Variants in KIF6 observed in about 807,000 individuals in gnomAD.
KIF6 encodes the protein kinesin-like protein KIF6.
Under a neutral mutation model 112.7 loss-of-function variants are expected in KIF6, and 106 were observed. The ratio of observed to expected loss-of-function variants is 0.94; its 90% CI spans 0.80 to 1.11. KIF6 has a LOEUF of 1.11. Ranked by LOEUF, KIF6 falls within the 50% of genes least tolerant of loss-of-function variation. KIF6 has a pLI of 0.00. For missense variants in KIF6, 929 were observed against 964.0 expected (o/e 0.96, Z 0.48); for synonymous variants, 339 against 339.9 (o/e 1.00, Z 0.03).
At chr6:39,488,303 G>T (rs936531810) in intron 13 of KIF6, among the ~76,000 whole-genome samples, 1 of 152,120 alleles carries the variant, frequency 6.6e-6, no homozygotes, top group East Asian at 1.9e-4. Context: ...TGACACAAGG[G>T]TTAAGATCTC....
At chr6:39,577,051 T>G (rs905859465) in intron 10 of KIF6, among the ~76,000 whole-genome samples, 16 of 152,224 alleles carry the variant, frequency 1.1e-4, no homozygotes, top group Non-Finnish European at 2.1e-4. Context: ...AAAACTTTTT[T>G]TAAAGTGAAT....
intron 9 of KIF6, among the ~76,000 whole-genome samples, chr6:39,579,907 T>A (rs952310358): frequency 6.6e-6 from 1 of 151,932 alleles, no homozygotes; most frequent in Non-Finnish European, 1.5e-5. Context: ...ATTTAACTAC[T>A]AAATCTTAAG....
chr6:39,586,234 G>T, intron 8 of KIF6, 27 bp downstream of exon 8: 1 of 1,612,760 alleles, frequency 6.2e-7, no homozygotes, highest in African/African-American at 1.3e-5. Context: ...CCTAGATTAA[G>T]ATCTCCAGAA....
At chr6:39,650,368 A>G (rs1233865181) in intron 3 of KIF6, among the ~76,000 whole-genome samples, 1 of 152,178 alleles carries the variant, frequency 6.6e-6, no homozygotes, top group Non-Finnish European at 1.5e-5. Flanking sequence ...GAAATGCATG[A>G]AACTTTAATG....
At chr6:39,605,276 T>C (rs940862224) in intron 6 of KIF6, among the ~76,000 whole-genome samples, 1 of 152,166 alleles carries the variant, frequency 6.6e-6, no homozygotes, top group Admixed American at 6.6e-5. Context: ...TTGTCTACTC[T>C]GTCCATTTTT....
chr6:39,336,578 G>A, intron 22 of KIF6, 30 bp from the exon 23 acceptor site: 2 of 1,611,984 alleles, frequency 1.2e-6, no homozygotes, highest in Non-Finnish European at 1.7e-6. Flanking sequence ...CTTTTGGTTA[G>A]GCTGTGCATG....
intron 6 of KIF6, among the ~76,000 whole-genome samples, chr6:39,608,124 C>T (rs183969178): frequency 3.5e-4 from 54 of 152,274 alleles, no homozygotes; most frequent in Admixed American, 3.1e-3. Context: ...TTTGCACTTC[C>T]ACAAGGTCAT....
chr6:39,347,070 A>G (rs12201955), intron 19 of KIF6, among the ~76,000 whole-genome samples: 5,292 of 152,320 alleles, frequency 0.035, 137 homozygotes, highest in South Asian at 0.071. Context: ...TGCAAATATC[A>G]TGCCATTTAA....
chr6:39,373,753 A>C (rs891581979), intron 16 of KIF6, among the ~76,000 whole-genome samples: 1 of 152,168 alleles, frequency 6.6e-6, no homozygotes, highest in Non-Finnish European at 1.5e-5. Context: ...GGAAAGATAT[A>C]TTGTATTCAT....
chr6:39,714,118 T>C (rs1789699131), intron 3 of KIF6, among the ~76,000 whole-genome samples: 1 of 152,228 alleles, frequency 6.6e-6, no homozygotes. Flanking sequence ...TGTGAATTCC[T>C]ATTAATAAAT....
chr6:39,496,484 C>T (rs1775790657), intron 13 of KIF6, among the ~76,000 whole-genome samples: 2 of 152,014 alleles, frequency 1.3e-5, no homozygotes, highest in Non-Finnish European at 2.9e-5. Context: ...TTCCTTTTTT[C>T]CTTGAGTGGC....
At chr6:39,457,590 T>C (rs538193391) in intron 13 of KIF6, among the ~76,000 whole-genome samples, 1 of 152,040 alleles carries the variant, frequency 6.6e-6, no homozygotes, top group Admixed American at 6.5e-5. Flanking sequence ...GAGCTGGTTT[T>C]TTGAAAGGAT....
intron 13 of KIF6, among the ~76,000 whole-genome samples, chr6:39,461,291 A>G (rs1773455523): frequency 6.6e-6 from 1 of 152,122 alleles, no homozygotes; most frequent in Admixed American, 6.6e-5. Flanking sequence ...TAGACCTACG[A>G]GAGGAGAAGT....
intron 3 of KIF6, among the ~76,000 whole-genome samples, chr6:39,713,997 T>C (rs1789693280): frequency 6.6e-6 from 1 of 152,228 alleles, no homozygotes; most frequent in Non-Finnish European, 1.5e-5. Context: ...CATTAGGTCA[T>C]TAGCATCATC....
At chr6:39,669,472 G>T (rs1255846211) in intron 3 of KIF6, among the ~76,000 whole-genome samples, 1 of 152,184 alleles carries the variant, frequency 6.6e-6, no homozygotes, top group Non-Finnish European at 1.5e-5. Context: ...TCTTTGAGGT[G>T]GTGAATCATT....
In KIF6 at chr6:39,693,671, TA is replaced by T. The variant is rs375272280; in HGVS notation, c.251+21020del. 1.2e-4 allele frequency among the ~76,000 whole-genome samples: 18 copies of T among 148,684 alleles called. No homozygotes were observed. The South Asian group carries it at 1.3e-3, about 11-fold the overall frequency. ...ATGAGTTCCAAAATGGAATCAGTAA[TA>T]AAAAAAAAATCTACCAACCAAAAGA... is the stretch of plus-strand genomic sequence containing the variant. On this transcript the variant is annotated intron_variant, in intron 3 of 22. Coordinates refer to ENST00000287152, the MANE Select transcript of KIF6 (RefSeq NM_145027.6).
chr6:39,408,348 G>C (rs1769231316), intron 15 of KIF6, among the ~76,000 whole-genome samples: 1 of 152,074 alleles, frequency 6.6e-6, no homozygotes, highest in African/African-American at 2.4e-5. Flanking sequence ...GTATACTGTT[G>C]CTCCCCCTAA....
At position 39,522,104 on chromosome 6, in the gene KIF6, C is replaced by T. The variant is rs114562500; in HGVS notation, c.1645+17899G>A. On this transcript the variant is annotated intron_variant, in intron 13 of 22. Transcript: ENST00000287152. ...ATGGAATTTTCCTTCAGCCTTTTCC[C>T]TTCACTGACATCTCACTTTCCCCTT... 8.9e-3 allele frequency among the ~76,000 whole-genome samples: 1,358 copies of T among 152,262 alleles called. 16 individuals carry two copies. Among genetic ancestry groups the T allele is most frequent in the African/African-American group, 0.03 (1,247 of 41,536 alleles).
chr6:39,708,816 A>G (rs1041097424), intron 3 of KIF6, among the ~76,000 whole-genome samples: 1 of 151,996 alleles, frequency 6.6e-6, no homozygotes, highest in African/African-American at 2.4e-5. Flanking sequence ...TTTTGCTTGA[A>G]GCTTCAGGTA....
Sources: allele counts gnomAD v4.1 joint callset (sites outside exome capture counted in the v4.1 genomes callset), GRCh38; gene constraint gnomAD v4.1.1; transcripts MANE v1.5; gene names NCBI Gene and HGNC (gene_info 2026-07-23, HGNC 2026-07-21).